The following ANAPC2 variants were observed in gnomAD, a reference collection of about 807,000 sequenced individuals.
ANAPC2 encodes the protein anaphase promoting complex subunit 2, also known as anaphase-promoting complex subunit 2.
In ANAPC2, 29 loss-of-function variants were observed where a neutral mutation model predicts 84.3. The observed-to-expected ratio is 0.34, with a 90% CI of 0.26 to 0.47. The LOEUF is 0.47. Among genes scored for constraint, ANAPC2 ranks in the 20% least tolerant of loss-of-function variants. ANAPC2 has a pLI of 1.00. For missense variants in ANAPC2, 857 were observed against 1,131.7 expected (o/e 0.76, Z 3.48); for synonymous variants, 571 against 479.4 (o/e 1.19, Z -2.50).
rs531191964 is a variant in ANAPC2 at position 137,180,054 on chromosome 9, G to T, written c.1890+127C>A. 600 of 1,049,758 alleles carry T rather than the reference G, an allele frequency of 5.7e-4. No individual in the cohort carries two copies. In the African/African-American group the frequency reaches 8.8e-3, roughly 15 times the overall value. The allele number at this position is 1,049,758 out of a possible 1,614,324, so 65.0% of individuals were successfully genotyped here. A position where few individuals can be genotyped will look rare whatever the true frequency, so the allele number is the denominator to read the frequency against. The stretch of plus-strand genomic sequence containing the variant: ...CACTCCCTCTCCTGCAGAGGCGGCT[G>T]CGAGACAGGACCAACCCAGAGACAC... On this transcript the variant is annotated intron_variant, in intron 10 of 12. Transcript: ENST00000323927.
Position 137,185,798 on chromosome 9 carries a change from T to C in ANAPC2, c.873+426A>G, listed in dbSNP as rs899115082. Among the ~76,000 whole-genome samples the C allele has an allele frequency of 4.6e-5, 7 of 152,230 alleles. No individual in the cohort carries two copies. The South Asian group carries it at 6.2e-4, about 14-fold the overall frequency. On this transcript the variant is annotated intron_variant, in intron 3 of 12. Coordinates refer to ENST00000323927, the MANE Select transcript of ANAPC2 (RefSeq NM_013366.4). Reference sequence around the variant, plus strand: ...ACAGCACAGGTGCCTGGAGGCCCCATGTGAGGGTGTCTCGCTCCCCGCTGT... The same window carrying C: ...ACAGCACAGGTGCCTGGAGGCCCCACGTGAGGGTGTCTCGCTCCCCGCTGT...
At chr9:137,185,577 C>T (rs1834447924) in intron 3 of ANAPC2, among the ~76,000 whole-genome samples, 1 of 152,248 alleles carries the variant, frequency 6.6e-6, no homozygotes, top group African/African-American at 2.4e-5. Flanking sequence ...ACTACCCACT[C>T]TTGCCCACCG....
intron 10 of ANAPC2, among the ~76,000 whole-genome samples, chr9:137,177,750 A>G (rs1262507098): frequency 1.3e-5 from 2 of 152,108 alleles, no homozygotes; most frequent in Non-Finnish European, 2.9e-5. Context: ...TCTTATTTGG[A>G]AATACGGTCA....
At position 137,180,478 on chromosome 9, in the gene ANAPC2, T is replaced by C. The variant is rs771131725; in HGVS notation, c.1660A>G (p.Met554Val). ...LLKLRFGEAP[M>V]HFCEVMLKDM... ...TTCAGCATGACTTCACAGAAGTGCA[T>C]TGGGGCCTCGCCAAAGCGCAGCTTC... The change falls in exon 9 of 13, where the codon ATG becomes GTG. Residue 554 changes from methionine to valine, a missense_variant. This residue lies in a region of ANAPC2 where 425 missense variants were observed against 595.5 expected (regional missense o/e 0.71). Transcript: ENST00000323927. 2.2e-5 allele frequency: 36 copies of C among 1,612,870 alleles called. No homozygotes were observed. Among genetic ancestry groups the C allele is most frequent in the East Asian group, 6.7e-5 (3 of 44,872 alleles).
rs1171710815 is a variant in ANAPC2, at chr9:137,174,933, G to C, written c.*9C>G. 2.6e-6 allele frequency: 4 copies of C among 1,518,774 alleles called. No individual in the cohort carries two copies. The East Asian group carries it at 9.8e-5, about 37-fold the overall frequency. The allele number at this position is 1,518,774 out of a possible 1,614,324, so 94.1% of individuals were successfully genotyped here. On this transcript the variant is annotated 3_prime_UTR_variant, in exon 13 of 13. Coordinates refer to ENST00000323927, the MANE Select transcript of ANAPC2 (RefSeq NM_013366.4). This position sits in a 1 kb window ranked among gnomAD's most constrained non-coding sequence, Gnocchi z 6.1. ...CGCCTGGCGGGCGGGCGGGCGGGCG[G>C]GCGATGTGTCAGCTGCAGTTCTTGG...
In ANAPC2 at chr9:137,174,911, C is replaced by A. The variant is rs1834172298; in HGVS notation, c.*31G>T. 3.4e-6 allele frequency: 2 copies of A among 592,214 alleles called. No homozygotes were observed. Among genetic ancestry groups the A allele is most frequent in the Non-Finnish European group, 4.9e-6 (2 of 411,010 alleles). The allele number at this position is 592,214 out of a possible 1,614,324, so 36.7% of individuals were successfully genotyped here. On this transcript the variant is annotated 3_prime_UTR_variant, in exon 13 of 13. Transcript: ENST00000323927. The surrounding 1 kb of genome is among the most constrained non-coding windows in gnomAD (Gnocchi z 6.1). ...GACGAGAGCACCTGCAGGGCAGCGC[C>A]TGGCGGGCGGGCGGGCGGGCGGGCG... is the stretch of plus-strand genomic sequence containing the variant.
At chr9:137,176,248 G>A (rs192362503) in intron 10 of ANAPC2, 16 of 161,908 alleles carry the variant, frequency 9.9e-5, no homozygotes, top group Admixed American at 6.0e-5. Context: ...GGAGCAACGC[G>A]GCCACAAGCC....
At position 137,180,707 on chromosome 9, in the gene ANAPC2, C is replaced by T. The variant is rs371130727; in HGVS notation, c.1610+81G>A. 55 of 1,575,302 alleles carry T rather than the reference C, an allele frequency of 3.5e-5. No individual in the cohort carries two copies. The South Asian group carries it at 3.8e-4, about 11-fold the overall frequency. On this transcript the variant is annotated intron_variant, in intron 8 of 12. Coordinates refer to ENST00000323927, the MANE Select transcript of ANAPC2 (RefSeq NM_013366.4). ...CACAGCTCCAACCAGGCCCCAGGCA[C>T]GGCGTCAGGGCCCTGTCCCGAGAGA...
At position 137,175,847 on chromosome 9, in the gene ANAPC2, G is replaced by A. The variant is rs747231835; in HGVS notation, c.1891-10C>T. ...TGAGGGTCCGCATGGCCTAAGGAGGGCCAGGGTCAGCACGGGCAGCTCGGC... is the reference window on the plus strand; with the variant it reads ...TGAGGGTCCGCATGGCCTAAGGAGGACCAGGGTCAGCACGGGCAGCTCGGC... On this transcript the variant is annotated splice_polypyrimidine_tract_variant and intron_variant, in intron 10 of 12. Coordinates refer to ENST00000323927, the MANE Select transcript of ANAPC2 (RefSeq NM_013366.4). 3.0e-5 allele frequency: 48 copies of A among 1,597,984 alleles called. No homozygotes were observed. The highest frequency in any genetic ancestry group is 3.8e-5 in the Non-Finnish European group (44 of 1,172,200).
rs757350662 is a variant in ANAPC2, at chr9:137,187,699, C to G, written c.522G>C (p.Gln174His). The G allele has an allele frequency of 6.2e-7, 1 of 1,614,040 alleles. No individual in the cohort carries two copies. Among genetic ancestry groups the G allele is most frequent in the South Asian group, 1.1e-5 (1 of 91,090 alleles). Residue 174 changes from glutamine to histidine, a missense_variant, in exon 2 of 13, where the codon CAG (glutamine) becomes CAC (histidine). Transcript: ENST00000323927. ...CTCTCAAGAAGCACCCATACAGACG[C>G]TGGATCATCTCTTGGAAGGTTCTGG... is the stretch of plus-strand genomic sequence containing the variant. ...STPRTFQEMI[Q>H]RLYGCFLRVY...
intron 7 of ANAPC2, among the ~76,000 whole-genome samples, chr9:137,181,460 C>A (rs1834341010): frequency 6.6e-6 from 1 of 152,206 alleles, no homozygotes; most frequent in Non-Finnish European, 1.5e-5. Flanking sequence ...GGGCATCCCC[C>A]ACGGCCAGAG....
In ANAPC2 at chr9:137,187,376, G is replaced by T. The variant is rs775927625; in HGVS notation, c.740+105C>A. On this transcript the variant is annotated intron_variant, in intron 2 of 12. Transcript: ENST00000323927. ...GGACTCTCTCTCTGTCATGTTCCTG[G>T]TTATCAGGACGGCTCACCAGCTTTC... 11 of 1,425,578 alleles carry T rather than the reference G, an allele frequency of 7.7e-6. No homozygotes were observed. The Admixed American group carries it at 9.0e-5, about 12-fold the overall frequency. 88.3% of individuals were successfully genotyped at this position (1,425,578 alleles called of 1,614,324 possible).
chr9:137,188,298 C>T, intron 1 of ANAPC2, 118 bp downstream of exon 1: 7 of 1,304,802 alleles, frequency 5.4e-6, no homozygotes, highest in South Asian at 2.8e-5. Context: ...TGGAAAATGG[C>T]AGGACAGGAC....
At chr9:137,183,412 C>T (rs1485457854) in intron 5 of ANAPC2, 170 bp from the exon 6 acceptor site, 2 of 759,716 alleles carry the variant, frequency 2.6e-6, no homozygotes. Context: ...AGGTCCCGCC[C>T]TGCAGGGAGG....
chr9:137,175,958 C>A, intron 10 of ANAPC2, 121 bp from the exon 11 acceptor site: 3 of 1,307,060 alleles, frequency 2.3e-6, no homozygotes, highest in Non-Finnish European at 2.1e-6. Context: ...CCCACCCTGG[C>A]AGGCAGGTGA....
chr9:137,186,670 C>T (rs964970178), intron 2 of ANAPC2: 1 of 385,842 alleles, frequency 2.6e-6, no homozygotes, highest in Non-Finnish European at 4.7e-6. Context: ...CTAGCCTTAT[C>T]TCCTAGGATC....
In ANAPC2 at chr9:137,183,196, C is replaced by T. The variant is rs561012866; in HGVS notation, c.1215G>A (p.Lys405=). ...TGGAAGGGTCCAGCACGCGCAGCGC[C>T]TTGATGGCAGAGATATAGAGGGTGA... The part of the protein sequence containing the change: ...DIITLYISAI[K]ALRVLDPSMV... The change falls in exon 6 of 13, where the codon AAG becomes AAA. Residue 405 remains lysine (K), a synonymous_variant. Coordinates refer to ENST00000323927, the MANE Select transcript of ANAPC2 (RefSeq NM_013366.4). 68 of 1,613,288 alleles carry T rather than the reference C, an allele frequency of 4.2e-5. No individual in the cohort carries two copies. The highest frequency in any genetic ancestry group is 4.0e-4 in the South Asian group (36 of 91,088).
At chr9:137,182,336 C>T (rs1432557460) in intron 6 of ANAPC2, among the ~76,000 whole-genome samples, 4 of 152,166 alleles carry the variant, frequency 2.6e-5, no homozygotes, top group East Asian at 1.9e-4. Flanking sequence ...CATGGTGAAA[C>T]CCCATCTCTA....
At chr9:137,181,516 T>A (rs935944876) in intron 7 of ANAPC2, among the ~76,000 whole-genome samples, 165 bp downstream of exon 7, 4 of 152,168 alleles carry the variant, frequency 2.6e-5, no homozygotes, top group Non-Finnish European at 5.9e-5. Context: ...CTGCCCAGGC[T>A]GGCAGGTGGC....
Sources: allele counts gnomAD v4.1 joint callset (sites outside exome capture counted in the v4.1 genomes callset), GRCh38; gene constraint gnomAD v4.1.1; regional missense constraint gnomAD v4.1.1; non-coding constraint Gnocchi (gnomAD v3.1); transcripts MANE v1.5; gene names NCBI Gene and HGNC (gene_info 2026-07-23, HGNC 2026-07-21).